CHST11: variants seen among roughly 807,000 people sequenced by gnomAD.
The protein encoded by CHST11 is C4S-1.
Under a neutral mutation model 30.4 loss-of-function variants are expected in CHST11, and 9 were observed. The ratio of observed to expected loss-of-function variants is 0.30; its 90% CI spans 0.18 to 0.52. The LOEUF is 0.52. CHST11 is among the 20% of genes least tolerant of loss of function. The pLI is 0.97. For missense variants in CHST11, 348 were observed against 460.6 expected (o/e 0.76, Z 2.24); for synonymous variants, 152 against 187.8 (o/e 0.81, Z 1.56).
intron 1 of CHST11, among the ~76,000 whole-genome samples, chr12:104,547,624 T>C (rs1453347757): frequency 6.6e-6 from 1 of 152,136 alleles, no homozygotes; most frequent in Non-Finnish European, 1.5e-5. Flanking sequence ...ATGGTTTTGC[T>C]TCCAAGTGCC....
At chr12:104,480,341 G>T (rs2037607899) in intron 1 of CHST11, among the ~76,000 whole-genome samples, 1 of 152,136 alleles carries the variant, frequency 6.6e-6, no homozygotes, top group Non-Finnish European at 1.5e-5. Context: ...ACTTTGGGAG[G>T]CTGAGGTGGG....
At chr12:104,557,938 G>C (rs1213323989) in intron 1 of CHST11, among the ~76,000 whole-genome samples, 1 of 151,870 alleles carries the variant, frequency 6.6e-6, no homozygotes, top group East Asian at 2.0e-4. Flanking sequence ...GGAAAGCAGG[G>C]GATGCATTTC....
At position 104,497,744 on chromosome 12, in the gene CHST11, G is replaced by T. The variant is rs563746829; in HGVS notation, c.118+40215G>T. 4.3e-4 allele frequency among the ~76,000 whole-genome samples: 66 copies of T among 152,072 alleles called. No homozygotes were observed. In the South Asian group the frequency reaches 6.9e-3, roughly 16 times the overall value. On this transcript the variant is annotated intron_variant, in intron 1 of 2. Transcript: ENST00000303694. The stretch of plus-strand genomic sequence containing the variant: ...TCTCCCTGCCTTGCTGAGAACCTGG[G>T]TCTGTGATAGTGGGTGACATGGACT...
chr12:104,631,953 C>T (rs1385047023), intron 2 of CHST11, among the ~76,000 whole-genome samples: 1 of 152,124 alleles, frequency 6.6e-6, no homozygotes, highest in Non-Finnish European at 1.5e-5. Context: ...CTCTGATGAA[C>T]CTGACTTAAG....
At chr12:104,622,081 T>C (rs531499122) in intron 2 of CHST11, among the ~76,000 whole-genome samples, 58 of 152,362 alleles carry the variant, frequency 3.8e-4, no homozygotes, top group African/African-American at 1.3e-3. Context: ...AGGCACATCA[T>C]GGCTTACATA....
At chr12:104,640,122 C>A (rs1004348442) in intron 2 of CHST11, among the ~76,000 whole-genome samples, 1 of 152,158 alleles carries the variant, frequency 6.6e-6, no homozygotes, top group African/African-American at 2.4e-5. Flanking sequence ...TCATTCACTG[C>A]GGGTGGAAAT....
At chr12:104,682,912 C>T (rs2039811925) in intron 2 of CHST11, among the ~76,000 whole-genome samples, 1 of 152,256 alleles carries the variant, frequency 6.6e-6, no homozygotes, top group Admixed American at 6.5e-5. Context: ...AGTACCAACC[C>T]TGTGTCCAGC....
chr12:104,680,688 C>G (rs2039786891), intron 2 of CHST11, among the ~76,000 whole-genome samples: 1 of 152,208 alleles, frequency 6.6e-6, no homozygotes, highest in African/African-American at 2.4e-5. Flanking sequence ...CTCTCAATCC[C>G]TCCTCCTCTG....
chr12:104,738,058 G>T (rs2040315547), intron 2 of CHST11, among the ~76,000 whole-genome samples: 1 of 152,116 alleles, frequency 6.6e-6, no homozygotes, highest in South Asian at 2.1e-4. Flanking sequence ...GCCACTTAGT[G>T]TATAAAAAAG....
chr12:104,553,592 A>AGAGG (rs2038426805), intron 1 of CHST11: 1 of 128,758 alleles, frequency 7.8e-6, no homozygotes, highest in African/African-American at 2.7e-5. Flanking sequence ...AGAGAGAGAG[A>AGAGG]GAGAGAGAGT....
intron 1 of CHST11, among the ~76,000 whole-genome samples, chr12:104,586,366 C>T (rs1282477292): frequency 6.6e-5 from 10 of 152,152 alleles, no homozygotes; most frequent in East Asian, 3.8e-4. Flanking sequence ...GAGCCCTGGG[C>T]GAGATGCCTG....
intron 2 of CHST11, among the ~76,000 whole-genome samples, chr12:104,653,893 T>C (rs1189190375): frequency 1.3e-5 from 2 of 152,150 alleles, no homozygotes; most frequent in Non-Finnish European, 2.9e-5. Flanking sequence ...CTGAAAAACC[T>C]CAAACGGGTG....
chr12:104,554,379 GC>G (rs2038434622), intron 1 of CHST11, among the ~76,000 whole-genome samples: 1 of 152,166 alleles, frequency 6.6e-6, no homozygotes, highest in African/African-American at 2.4e-5. Flanking sequence ...GTGAGGAAAT[GC>G]CCATCTTGAT....
chr12:104,679,310 C>T (rs996419384), intron 2 of CHST11, among the ~76,000 whole-genome samples: 2 of 152,066 alleles, frequency 1.3e-5, no homozygotes, highest in African/African-American at 2.4e-5. Flanking sequence ...AGTTTACAGC[C>T]CCCACCGGCC....
intron 2 of CHST11, among the ~76,000 whole-genome samples, chr12:104,685,900 G>A (rs745482379): frequency 9.9e-5 from 15 of 152,178 alleles, no homozygotes; most frequent in Non-Finnish European, 1.6e-4. Context: ...GGCAGACTCT[G>A]GTGTTTTCTG....
At chr12:104,645,215 G>T (rs1004582861) in intron 2 of CHST11, among the ~76,000 whole-genome samples, 2 of 152,176 alleles carry the variant, frequency 1.3e-5, no homozygotes, top group Non-Finnish European at 2.9e-5. Flanking sequence ...CCAAAGTGCT[G>T]GGATTACAGG....
chr12:104,604,410 G>T (rs1019572150), intron 2 of CHST11, among the ~76,000 whole-genome samples: 1 of 152,176 alleles, frequency 6.6e-6, no homozygotes. Context: ...TCCTCGGGAT[G>T]TTTTTTCTTA....
At chr12:104,509,974 A>G (rs1392757432) in intron 1 of CHST11, among the ~76,000 whole-genome samples, 1 of 152,154 alleles carries the variant, frequency 6.6e-6, no homozygotes, top group Non-Finnish European at 1.5e-5. Context: ...CCATGTTGAG[A>G]ATCTTCCATC....
At chr12:104,742,347 G>A (rs1010138825) in intron 2 of CHST11, among the ~76,000 whole-genome samples, 3 of 152,148 alleles carry the variant, frequency 2.0e-5, no homozygotes, top group Admixed American at 6.5e-5. Flanking sequence ...GAGGCCCATC[G>A]TGGTAGGGGA....
Sources: gnomAD v4.1 joint callset for allele counts (sites outside exome capture counted in the v4.1 genomes callset) on GRCh38, gnomAD v4.1.1 for gene constraint, MANE v1.5 for transcripts, NCBI Gene and HGNC (gene_info 2026-07-23, HGNC 2026-07-21) for gene names.